MTUS1: variants seen among roughly 807,000 people sequenced by gnomAD.
MTUS1 encodes microtubule-associated tumor suppressor 1.
In MTUS1, 109 loss-of-function variants were observed where a neutral mutation model predicts 120.8. That is an observed-to-expected ratio of 0.90 (90% CI 0.77 to 1.06). MTUS1 has a LOEUF of 1.06. Ranked by LOEUF, MTUS1 falls within the 50% of genes least tolerant of loss-of-function variation. The pLI is 0.00. For missense variants in MTUS1, 2,210 were observed against 1,486.3 expected (o/e 1.49, Z -8.01); for synonymous variants, 737 against 550.5 (o/e 1.34, Z -4.74).
chr8:17,677,303 G>A (rs1813328779), intron 7 of MTUS1, among the ~76,000 whole-genome samples: 1 of 152,188 alleles, frequency 6.6e-6, no homozygotes, highest in East Asian at 1.9e-4. Flanking sequence ...TAAACACCAG[G>A]AAGCTTTACC....
intron 2 of MTUS1, among the ~76,000 whole-genome samples, chr8:17,744,514 G>A (rs1202019344): frequency 2.6e-5 from 4 of 152,068 alleles, no homozygotes; most frequent in East Asian, 1.9e-4. Flanking sequence ...TCTGCCTCCC[G>A]GGTTCAAGTG....
In MTUS1 at chr8:17,723,496, A is replaced by G. The variant is rs559357172; in HGVS notation, c.2449+176T>C. ...TATACTTTAACACATAATTATTTCA[A>G]GAGTGTTTTTCAAAGAATTTTTTTT... On this transcript the variant is annotated intron_variant, in intron 4 of 14. Coordinates refer to ENST00000693296, the MANE Select transcript of MTUS1 (RefSeq NM_001363059.2). 1.7e-4 allele frequency: 119 copies of G among 688,364 alleles called. 1 individual carries two copies. In the African/African-American group the frequency reaches 1.9e-3, roughly 11 times the overall value. 42.6% of individuals were successfully genotyped at this position (688,364 alleles called of 1,614,324 possible).
intron 2 of MTUS1, among the ~76,000 whole-genome samples, chr8:17,746,779 T>A (rs1251044696): frequency 6.6e-6 from 1 of 152,224 alleles, no homozygotes; most frequent in African/African-American, 2.4e-5. Flanking sequence ...AGTATATGTA[T>A]CAATTCACTT....
At chr8:17,774,121 C>T (rs2050220318) in intron 1 of MTUS1, among the ~76,000 whole-genome samples, 1 of 152,178 alleles carries the variant, frequency 6.6e-6, no homozygotes, top group African/African-American at 2.4e-5. Flanking sequence ...ATTTATTTAA[C>T]TTAAAGCTCG....
intron 8 of MTUS1, among the ~76,000 whole-genome samples, 198 bp from the exon 9 acceptor site, chr8:17,656,263 C>G (rs1403539447): frequency 6.6e-6 from 1 of 152,150 alleles, no homozygotes; most frequent in Non-Finnish European, 1.5e-5. Flanking sequence ...CGCAGTGGCT[C>G]ACACCTGTAA....
intron 7 of MTUS1, among the ~76,000 whole-genome samples, chr8:17,682,847 T>C (rs7464794): frequency 0.39 from 59,129 of 152,008 alleles, 13,062 homozygotes; most frequent in Middle Eastern, 0.5. Context: ...TTCTTACAAA[T>C]GAAAGAGAAA....
In MTUS1 at chr8:17,676,245, C is replaced by T. The variant is rs910902816; in HGVS notation, c.2839-993G>A. 1.4e-5 allele frequency: 10 copies of T among 702,828 alleles called. No homozygotes were observed. The African/African-American group carries it at 1.7e-4, about 12-fold the overall frequency. 43.5% of individuals were successfully genotyped at this position (702,828 alleles called of 1,614,324 possible). On this transcript the variant is annotated intron_variant, in intron 7 of 14. Coordinates refer to ENST00000693296, the MANE Select transcript of MTUS1 (RefSeq NM_001363059.2). Reference sequence around the variant, plus strand: ...CTCTGCAGTAGTCCTGACATTCTTCCAGAAAAGCACTATAAACAAATACTA... The same window carrying T: ...CTCTGCAGTAGTCCTGACATTCTTCTAGAAAAGCACTATAAACAAATACTA...
At chr8:17,673,166 G>C (rs1812374562) in intron 8 of MTUS1, among the ~76,000 whole-genome samples, 1 of 152,180 alleles carries the variant, frequency 6.6e-6, no homozygotes, top group South Asian at 2.1e-4. Flanking sequence ...TGGTCATTTA[G>C]GTAATCATAA....
At chr8:17,766,443 C>T (rs1001747332) in intron 1 of MTUS1, among the ~76,000 whole-genome samples, 1 of 152,176 alleles carries the variant, frequency 6.6e-6, no homozygotes, top group African/African-American at 2.4e-5. Context: ...GTTTAATAGG[C>T]AAACCTCTCT....
intron 5 of MTUS1, among the ~76,000 whole-genome samples, chr8:17,714,677 T>C (rs1432707925): frequency 6.6e-6 from 1 of 152,110 alleles, no homozygotes; most frequent in African/African-American, 2.4e-5. Flanking sequence ...TCAGTTTTGC[T>C]GGAATAAAAA....
chr8:17,709,836 T>A (rs1457422311), intron 6 of MTUS1, among the ~76,000 whole-genome samples: 1 of 151,692 alleles, frequency 6.6e-6, no homozygotes, highest in Non-Finnish European at 1.5e-5. Context: ...TGAAACCCCG[T>A]CTCTACTAAA....
intron 1 of MTUS1, among the ~76,000 whole-genome samples, chr8:17,787,137 G>A (rs978522197): frequency 6.6e-5 from 10 of 152,256 alleles, no homozygotes; most frequent in African/African-American, 2.2e-4. Context: ...AGGGGCCACC[G>A]CTCCCTGACA....
At chr8:17,743,866 G>A in intron 2 of MTUS1, 67 bp from the exon 3 acceptor site, 2 of 1,394,858 alleles carry the variant, frequency 1.4e-6, no homozygotes, top group Non-Finnish European at 2.0e-6. Context: ...TGACTGAATG[G>A]GCCCCTCCTC....
chr8:17,741,063 G>T (rs896943557), intron 3 of MTUS1, among the ~76,000 whole-genome samples: 1 of 151,936 alleles, frequency 6.6e-6, no homozygotes, highest in Non-Finnish European at 1.5e-5. Flanking sequence ...TAGAGAAGGG[G>T]TTTCCCCACA....
At position 17,656,066 on chromosome 8, in the gene MTUS1, C is replaced by G. The variant is rs746570178; in HGVS notation, c.2906-1G>C. On this transcript the variant is annotated splice_acceptor_variant, in intron 8 of 14. Coordinates refer to ENST00000693296, the MANE Select transcript of MTUS1 (RefSeq NM_001363059.2). LOFTEE classifies it high-confidence loss of function. ...TTCTCACAGGTGGTTGAAGCAGTGA[C>G]TGAAAACAGAGGAGAAAGAAGAGGG... 3 of 1,613,746 alleles carry G rather than the reference C, an allele frequency of 1.9e-6. No individual in the cohort carries two copies. Among genetic ancestry groups the G allele is most frequent in the South Asian group, 2.2e-5 (2 of 91,080 alleles).
intron 1 of MTUS1, among the ~76,000 whole-genome samples, chr8:17,758,870 T>C (rs1367630914): frequency 1.1e-4 from 16 of 152,196 alleles, no homozygotes; most frequent in Admixed American, 9.8e-4. Flanking sequence ...AGGGCTCATA[T>C]GTCAAAGTTA....
intron 1 of MTUS1, among the ~76,000 whole-genome samples, chr8:17,790,405 C>G (rs2134310): frequency 0.74 from 112,125 of 151,516 alleles, 42,466 homozygotes; most frequent in Non-Finnish European, 0.83. Context: ...GCATATAAGA[C>G]CACAGACTGC....
Position 17,730,742 on chromosome 8 carries a change from G to A in MTUS1, c.2288-6909C>T, listed in dbSNP as rs944628972. Among the ~76,000 whole-genome samples the A allele has an allele frequency of 3.9e-5, 6 of 152,196 alleles. 1 individual carries two copies. The highest frequency in any genetic ancestry group is 6.5e-5 in the Admixed American group (1 of 15,278). ...AATAAGCCAGTTATAAATAATGTAT[G>A]ATTCTCTTTCATGATTACTAGAATA... On this transcript the variant is annotated intron_variant, in intron 3 of 14. Transcript: ENST00000693296.
chr8:17,672,196 A>G lies in MTUS1; in HGVS notation c.2905+2990T>C, dbSNP rs181109160. On this transcript the variant is annotated intron_variant, in intron 8 of 14. Transcript: ENST00000693296. ...TTTCTGTAGCATAGATGATGCCCTC[A>G]CAAAACAGCCAGTGTGGTTAATTAC... Among the ~76,000 whole-genome samples, 718 of 152,310 alleles carry G rather than the reference A, an allele frequency of 4.7e-3. 5 individuals are homozygous for G. The highest frequency in any genetic ancestry group is 0.017 in the African/African-American group (689 of 41,576).
Sources: allele counts gnomAD v4.1 joint callset (sites outside exome capture counted in the v4.1 genomes callset), GRCh38; gene constraint gnomAD v4.1.1; transcripts MANE v1.5; gene names NCBI Gene and HGNC (gene_info 2026-07-23, HGNC 2026-07-21).